The following DCK variants were observed in gnomAD, a reference collection of about 807,000 sequenced individuals.
DCK encodes deoxycytidine kinase.
A neutral mutation model predicts 38.3 loss-of-function variants in DCK; 23 were observed. That is an observed-to-expected ratio of 0.60 (90% CI 0.43 to 0.85). DCK has a LOEUF of 0.85. Ranked by LOEUF, DCK falls within the 40% of genes least tolerant of loss-of-function variation. The pLI, the probability that DCK is intolerant of heterozygous loss-of-function variation, is 0.00. For missense variants in DCK, 259 were observed against 304.4 expected (o/e 0.85, Z 1.11); for synonymous variants, 108 against 100.6 (o/e 1.07, Z -0.44).
intron 6 of DCK, 82 bp downstream of exon 6, chr4:71,026,837 A>G: frequency 1.5e-6 from 1 of 682,282 alleles, no homozygotes; most frequent in Non-Finnish European, 2.5e-6. Flanking sequence ...TTTCTAACAG[A>G]AAAGCTTCCA....
At chr4:71,002,164 C>T (rs1739818727) in intron 2 of DCK, among the ~76,000 whole-genome samples, 2 of 152,198 alleles carry the variant, frequency 1.3e-5, no homozygotes, top group East Asian at 1.9e-4. Flanking sequence ...GATTGTGGTA[C>T]GTTATGTCTT....
chr4:71,010,638 CAT>C (rs1271492140), intron 2 of DCK, among the ~76,000 whole-genome samples: 17 of 146,042 alleles, frequency 1.2e-4, no homozygotes, highest in Non-Finnish European at 2.0e-4. Flanking sequence ...ATATATAAAT[CAT>C]ATGTAATGTA....
chr4:71,016,026 A>T (rs1288647506), intron 2 of DCK, among the ~76,000 whole-genome samples: 1 of 152,246 alleles, frequency 6.6e-6, no homozygotes, highest in Non-Finnish European at 1.5e-5. Flanking sequence ...TTGTATATTT[A>T]GAAAACCCCA....
At chr4:71,007,241 A>G (rs191855077) in intron 2 of DCK, among the ~76,000 whole-genome samples, 2 of 152,338 alleles carry the variant, frequency 1.3e-5, no homozygotes, top group East Asian at 3.9e-4. Context: ...GTTAGTCTAC[A>G]GTAGAATTTT....
intron 2 of DCK, among the ~76,000 whole-genome samples, chr4:71,019,023 G>C (rs1740343283): frequency 6.6e-6 from 1 of 152,012 alleles, no homozygotes; most frequent in Non-Finnish European, 1.5e-5. Context: ...AAAAACCCTA[G>C]CAATTTGTCT....
chr4:71,018,807 G>A (rs996591540), intron 2 of DCK, among the ~76,000 whole-genome samples: 1 of 151,456 alleles, frequency 6.6e-6, no homozygotes, highest in South Asian at 2.1e-4. Context: ...GAGTAGCTGG[G>A]ATTACAGGTG....
intron 2 of DCK, among the ~76,000 whole-genome samples, chr4:70,999,287 T>C (rs1315207716): frequency 1.3e-5 from 2 of 152,216 alleles, no homozygotes; most frequent in Non-Finnish European, 2.9e-5. Flanking sequence ...TTCCTGTTCC[T>C]GTGTTAGCTT....
At chr4:71,001,727 C>G (rs1001095010) in intron 2 of DCK, among the ~76,000 whole-genome samples, 27 of 152,070 alleles carry the variant, frequency 1.8e-4, no homozygotes, top group African/African-American at 6.5e-4. Flanking sequence ...GCGTATGTGT[C>G]CAGGAGTTTA....
intron 2 of DCK, among the ~76,000 whole-genome samples, chr4:71,019,442 G>A (rs1340279519): frequency 6.6e-6 from 1 of 151,958 alleles, no homozygotes. Flanking sequence ...TAAGTATACA[G>A]CTCAGTAGTA....
intron 2 of DCK, among the ~76,000 whole-genome samples, chr4:71,002,652 G>A (rs946774388): frequency 2.0e-5 from 3 of 152,038 alleles, no homozygotes; most frequent in Admixed American, 6.6e-5. Context: ...CCTGTATTGG[G>A]TGCATATCTA....
intron 1 of DCK, among the ~76,000 whole-genome samples, chr4:70,995,026 A>T (rs1334591971): frequency 3.9e-5 from 6 of 152,252 alleles, no homozygotes; most frequent in Non-Finnish European, 5.9e-5. Flanking sequence ...TTCTTACCAC[A>T]TTCAAAGCAC....
intron 2 of DCK, among the ~76,000 whole-genome samples, chr4:71,001,311 C>G (rs1350267361): frequency 6.6e-6 from 1 of 152,122 alleles, no homozygotes; most frequent in African/African-American, 2.4e-5. Flanking sequence ...GTATGTTGAA[C>G]CAGCCCTGCA....
At chr4:71,006,836 C>CA (rs1349010045) in intron 2 of DCK, among the ~76,000 whole-genome samples, 1 of 151,716 alleles carries the variant, frequency 6.6e-6, no homozygotes, top group Non-Finnish European at 1.5e-5. Flanking sequence ...AGCAGTAAGG[C>CA]AGAAACCTTA....
chr4:71,012,934 GAGA>G (rs1176677447), intron 2 of DCK, among the ~76,000 whole-genome samples: 1 of 152,226 alleles, frequency 6.6e-6, no homozygotes, highest in African/African-American at 2.4e-5. Flanking sequence ...GACGAATTGA[GAGA>G]AGAAGGCTTC....
rs553570223 is a variant in DCK, at chr4:71,019,931, C to T, written c.208-2436C>T. Among the ~76,000 whole-genome samples the T allele has an allele frequency of 1.7e-3, 257 of 152,180 alleles. 3 individuals are homozygous for T. The highest frequency in any genetic ancestry group is 3.4e-3 in the Middle Eastern group (1 of 294). ...CCTCCCGAGTAGCTAGGATTACAGG[C>T]GCGTGCCACCACGCCTGGCTAATTT... On this transcript the variant is annotated intron_variant, in intron 2 of 6. Transcript: ENST00000286648.
Position 70,993,749 on chromosome 4 carries a change from C to T in DCK, c.-87C>T, listed in dbSNP as rs963672787. On this transcript the variant is annotated 5_prime_UTR_variant, in exon 1 of 7. Transcript: ENST00000286648. ...CCCGGCAGGTCAGGATCTGGCTTAG[C>T]GGCGCCGCGAGCTCCAGTGCGCGCA... The T allele has an allele frequency of 3.2e-5, 28 of 888,636 alleles. No individual in the cohort carries two copies. The highest frequency in any genetic ancestry group is 4.6e-5 in the Non-Finnish European group (26 of 564,554). The allele number at this position is 888,636 out of a possible 1,614,324, so 55.0% of individuals were successfully genotyped here.
At chr4:70,997,581 G>A (rs1411050790) in intron 1 of DCK, among the ~76,000 whole-genome samples, 1 of 152,072 alleles carries the variant, frequency 6.6e-6, no homozygotes, top group African/African-American at 2.4e-5. Context: ...TTTAAATATA[G>A]TTCTGCAAGT....
Position 70,998,057 on chromosome 4 carries a change from C to T in DCK, c.92-10C>T. 1.4e-6 allele frequency: 2 copies of T among 1,429,954 alleles called. No homozygotes were observed. The highest frequency in any genetic ancestry group is 1.3e-5 in the South Asian group (1 of 77,698). 88.6% of individuals were successfully genotyped at this position (1,429,954 alleles called of 1,614,324 possible). On this transcript the variant is annotated splice_polypyrimidine_tract_variant and intron_variant, in intron 1 of 6. Coordinates refer to ENST00000286648, the MANE Select transcript of DCK (RefSeq NM_000788.3). The stretch of plus-strand genomic sequence containing the variant: ...CTTTTCTTCCTCAATTTTATCTTTC[C>T]TCACAACAGCTGCAGGGAAGTCAAC...
chr4:70,996,677 C>G (rs1739667672), intron 1 of DCK, among the ~76,000 whole-genome samples: 1 of 152,124 alleles, frequency 6.6e-6, no homozygotes, highest in East Asian at 1.9e-4. Flanking sequence ...TTTTGCAATT[C>G]CTCTATTTTT....
Sources: gnomAD v4.1 joint callset for allele counts (sites outside exome capture counted in the v4.1 genomes callset) on GRCh38, gnomAD v4.1.1 for gene constraint, MANE v1.5 for transcripts, NCBI Gene and HGNC (gene_info 2026-07-23, HGNC 2026-07-21) for gene names.